STON1: variants seen among roughly 807,000 people sequenced by gnomAD.
STON1 encodes stonin 1, also known as stonin-1.
Under a neutral mutation model 60.9 loss-of-function variants are expected in STON1, and 79 were observed. That is an observed-to-expected ratio of 1.30 (90% CI 1.08 to 1.56). The LOEUF (loss-of-function observed/expected upper bound fraction) is 1.56. Among genes scored for constraint, STON1 ranks in the 40% most tolerant of loss-of-function variants. The pLI, the probability that STON1 is intolerant of heterozygous loss-of-function variation, is 0.00. For missense variants in STON1, 1,166 were observed against 858.9 expected, an observed-to-expected ratio of 1.36 and a Z score of -4.47; for synonymous variants, 363 against 306.9, an observed-to-expected ratio of 1.18 and a Z score of -1.91.
chr2:48,583,642 G>C (rs1028582299), intron 2 of STON1, among the ~76,000 whole-genome samples: 4 of 148,912 alleles, frequency 2.7e-5, no homozygotes, highest in African/African-American at 7.4e-5. Flanking sequence ...CCCCCTAGCA[G>C]AGCACTGGTC....
At chr2:48,541,996 A>T (rs1426511578) in intron 1 of STON1, among the ~76,000 whole-genome samples, 1 of 152,218 alleles carries the variant, frequency 6.6e-6, no homozygotes, top group Non-Finnish European at 1.5e-5. Context: ...TCAAAACCTC[A>T]TGCTCAACTA....
chr2:48,546,987 G>C (rs1671888307), intron 1 of STON1, among the ~76,000 whole-genome samples: 1 of 152,202 alleles, frequency 6.6e-6, no homozygotes, highest in Admixed American at 6.5e-5. Flanking sequence ...CATAGTAGGT[G>C]CTTAGTGAGT....
At chr2:48,539,247 T>G (rs1022744958) in intron 1 of STON1, among the ~76,000 whole-genome samples, 2 of 152,298 alleles carry the variant, frequency 1.3e-5, no homozygotes, top group East Asian at 3.9e-4. Flanking sequence ...TGTTTATTTG[T>G]GCCAACTCTC....
intron 1 of STON1, among the ~76,000 whole-genome samples, chr2:48,545,781 A>G (rs895088596): frequency 6.6e-6 from 1 of 151,602 alleles, no homozygotes; most frequent in Non-Finnish European, 1.5e-5. Flanking sequence ...CTCTACCTCC[A>G]CCCCTTTGTG....
At chr2:48,540,715 T>C (rs1159467752) in intron 1 of STON1, among the ~76,000 whole-genome samples, 2 of 152,182 alleles carry the variant, frequency 1.3e-5, no homozygotes, top group African/African-American at 4.8e-5. Flanking sequence ...CAACTTGAAG[T>C]GGGTCAGTCA....
intron 1 of STON1, among the ~76,000 whole-genome samples, chr2:48,535,803 G>A (rs1293058192): frequency 2.0e-5 from 3 of 151,862 alleles, no homozygotes; most frequent in African/African-American, 7.3e-5. Flanking sequence ...ACAAATTTGT[G>A]TAGCTGGGCA....
chr2:48,539,860 T>TAA (rs1349603537), intron 1 of STON1, among the ~76,000 whole-genome samples: 6 of 152,156 alleles, frequency 3.9e-5, no homozygotes, highest in Admixed American at 3.9e-4. Context: ...GATGACAAGG[T>TAA]TTCTGGCTGT....
chr2:48,579,606 C>G (rs1673753530), intron 1 of STON1, among the ~76,000 whole-genome samples: 1 of 152,102 alleles, frequency 6.6e-6, no homozygotes, highest in Non-Finnish European at 1.5e-5. Context: ...AATCTTCTCA[C>G]ATTTGTTAAG....
chr2:48,536,711 G>C (rs892914591), intron 1 of STON1, among the ~76,000 whole-genome samples: 6 of 152,104 alleles, frequency 3.9e-5, no homozygotes, highest in African/African-American at 9.7e-5. Flanking sequence ...CACACACACA[G>C]AAAATCCTGT....
At chr2:48,553,578 C>G (rs945585692) in intron 1 of STON1, among the ~76,000 whole-genome samples, 1 of 152,058 alleles carries the variant, frequency 6.6e-6, no homozygotes, top group Non-Finnish European at 1.5e-5. Flanking sequence ...ACCTCTGCCT[C>G]CCGGGTTCAA....
intron 1 of STON1, among the ~76,000 whole-genome samples, chr2:48,542,586 C>G (rs1336959466): frequency 6.6e-6 from 1 of 152,150 alleles, no homozygotes; most frequent in African/African-American, 2.4e-5. Flanking sequence ...TATTCTTATT[C>G]TTTCAAAGTA....
At chr2:48,547,588 A>G (rs1572933373) in intron 1 of STON1, among the ~76,000 whole-genome samples, 1 of 152,202 alleles carries the variant, frequency 6.6e-6, no homozygotes, top group East Asian at 1.9e-4. Flanking sequence ...CAGGCTGGGC[A>G]GTGTGCTTTC....
chr2:48,553,351 C>G (rs1672179701), intron 1 of STON1, among the ~76,000 whole-genome samples: 2 of 151,640 alleles, frequency 1.3e-5, no homozygotes, highest in African/African-American at 2.4e-5. Context: ...TCTGTAGACC[C>G]TTCCCTTCCC....
chr2:48,530,360 C>G, intron 1 of STON1, 144 bp downstream of exon 1: 1 of 257,788 alleles, frequency 3.9e-6, no homozygotes, highest in Non-Finnish European at 7.5e-6. Context: ...CCCCATCTCC[C>G]CGCGCCCGCC....
chr2:48,541,648 G>A (rs189796224), intron 1 of STON1, among the ~76,000 whole-genome samples: 2 of 138,618 alleles, frequency 1.4e-5, no homozygotes, highest in Non-Finnish European at 3.0e-5. Flanking sequence ...ATAGTGAGCC[G>A]AGATTGCACC....
In STON1 at chr2:48,582,578, C is replaced by A. The variant is rs752349773; in HGVS notation, c.1930+15C>A. The A allele has an allele frequency of 2.5e-6, 4 of 1,597,766 alleles. No individual in the cohort carries two copies. Among genetic ancestry groups the A allele is most frequent in the East Asian group, 2.2e-5 (1 of 44,766 alleles). The stretch of plus-strand genomic sequence containing the variant: ...CAAAAATTCAAGTAAATATTCAACA[C>A]CCCAAGTTTATTTTCATGGGAAATA... On this transcript the variant is annotated intron_variant, in intron 2 of 3. Transcript: ENST00000404752.
intron 1 of STON1, among the ~76,000 whole-genome samples, chr2:48,570,280 G>A (rs1673137468): frequency 6.6e-6 from 1 of 152,150 alleles, no homozygotes; most frequent in Non-Finnish European, 1.5e-5. Flanking sequence ...AGTGTAGTGA[G>A]CTGAGATTGC....
chr2:48,538,867 C>G (rs939866760), intron 1 of STON1, among the ~76,000 whole-genome samples: 1 of 151,474 alleles, frequency 6.6e-6, no homozygotes, highest in East Asian at 1.9e-4. Context: ...ATCCGCCTGC[C>G]GCGGCCTCCC....
At chr2:48,539,182 T>G (rs561929725) in intron 1 of STON1, among the ~76,000 whole-genome samples, 5 of 152,322 alleles carry the variant, frequency 3.3e-5, no homozygotes, top group African/African-American at 1.2e-4. Flanking sequence ...TCTTTGAAAG[T>G]GTTGGGATTA....
Sources: allele counts gnomAD v4.1 joint callset (sites outside exome capture counted in the v4.1 genomes callset), GRCh38; gene constraint gnomAD v4.1.1; transcripts MANE v1.5; gene names NCBI Gene and HGNC (gene_info 2026-07-23, HGNC 2026-07-21).